NDUFS3: variants seen among roughly 807,000 people sequenced by gnomAD.
NDUFS3 encodes NADH:ubiquinone oxidoreductase core subunit S3, also known as NADH dehydrogenase [ubiquinone] iron-sulfur protein 3, mitochondrial.
NDUFS3 carries 19 observed loss-of-function variants against 30.8 expected under a neutral mutation model. That is an observed-to-expected ratio of 0.62 (90% CI 0.43 to 0.91). The LOEUF (loss-of-function observed/expected upper bound fraction) is 0.91. NDUFS3 is among the 40% of genes least tolerant of loss of function. The pLI is 0.00. For missense variants in NDUFS3, 331 were observed against 342.0 expected (o/e 0.97, Z 0.25); for synonymous variants, 153 against 135.8 (o/e 1.13, Z -0.88).
rs1408487334 is a variant in NDUFS3, at chr11:47,579,304, A to G, written c.103A>G (p.Arg35Gly). 9.9e-6 allele frequency: 16 copies of G among 1,613,988 alleles called. No homozygotes were observed. In the Admixed American group the frequency reaches 2.7e-4, roughly 27 times the overall value. ...GRPSVLLLPV[R>G]RESAGADTRP... ...ACCCTCCGTTCTGTTGCTGCCGGTG[A>G]GGCGGGAGAGCGCCGGGGCCGACAC... The change falls in exon 2 of 7, where the codon AGG becomes GGG. Residue 35 changes from arginine (R) to glycine (G), a missense_variant. Coordinates refer to ENST00000263774, the MANE Select transcript of NDUFS3 (RefSeq NM_004551.3).
chr11:47,579,155 A>G lies in NDUFS3; in HGVS notation c.64A>G (p.Arg22Gly). The G allele has an allele frequency of 6.2e-7, 1 of 1,609,644 alleles. No homozygotes were observed. Among genetic ancestry groups the G allele is most frequent in the Non-Finnish European group, 8.5e-7 (1 of 1,178,546 alleles). Reference sequence around the variant, plus strand: ...GATCTTGGGGGCCTCGGCGCTGACCAGGGGTGAGCACGGGCAGCCAGCTGA... The same window carrying G: ...GATCTTGGGGGCCTCGGCGCTGACCGGGGGTGAGCACGGGCAGCCAGCTGA... ...RGILGASALT[R>G]GTGRPSVLLL... The change falls in exon 1 of 7, where the codon AGG becomes GGG. Residue 22 changes from arginine to glycine, a missense_variant. Coordinates refer to ENST00000263774, the MANE Select transcript of NDUFS3 (RefSeq NM_004551.3).
chr11:47,582,190 G>A lies in NDUFS3; in HGVS notation c.484G>A (p.Ala162Thr), dbSNP rs1481423651. 1 of 1,614,194 alleles carries A rather than the reference G, an allele frequency of 6.2e-7. No homozygotes were observed. Among genetic ancestry groups the A allele is most frequent in the Admixed American group, 1.7e-5 (1 of 60,020 alleles). Residue 162 changes from alanine (A) to threonine (T), a missense_variant, in exon 5 of 7, where the codon GCA becomes ACA. Transcript: ENST00000263774. ...PIESAVSVFK[A>T]ANWYEREIWD... ...TGAGTCTGCTGTCTCTGTGTTCAAG[G>A]CAGCCAACTGGTATGAAAGGGAGGT...
chr11:47,583,145 C>A (rs1430906243), intron 6 of NDUFS3, among the ~76,000 whole-genome samples: 1 of 151,910 alleles, frequency 6.6e-6, no homozygotes, highest in Non-Finnish European at 1.5e-5. Flanking sequence ...ACCGCCCAGG[C>A]TCAAGTAATC....
chr11:47,582,659 C>T (rs1227479613), intron 6 of NDUFS3, among the ~76,000 whole-genome samples, 191 bp downstream of exon 6: 2 of 152,190 alleles, frequency 1.3e-5, no homozygotes, highest in East Asian at 1.9e-4. Context: ...TCAGTTTTCT[C>T]ATCTTAAAAT....
At chr11:47,581,610 G>C (rs1236794252) in intron 4 of NDUFS3, 1 of 253,276 alleles carries the variant, frequency 3.9e-6, no homozygotes, top group Non-Finnish European at 7.7e-6. Context: ...ATATTTTACT[G>C]ATTATCTACT....
At chr11:47,584,008 T>C (rs1366139966) in intron 6 of NDUFS3, among the ~76,000 whole-genome samples, 3 of 151,918 alleles carry the variant, frequency 2.0e-5, no homozygotes, top group Non-Finnish European at 2.9e-5. Context: ...CTTGTAAGAG[T>C]GTGTGGGTGG....
chr11:47,581,105 T>C, intron 4 of NDUFS3, 121 bp downstream of exon 4: 1 of 1,262,246 alleles, frequency 7.9e-7, no homozygotes, highest in Non-Finnish European at 1.1e-6. Flanking sequence ...AGTTGGATCT[T>C]GGTTCTGCCA....
intron 2 of NDUFS3, 46 bp from the exon 3 acceptor site, chr11:47,580,479 C>T (rs903180278): frequency 6.3e-7 from 1 of 1,587,492 alleles, no homozygotes; most frequent in African/African-American, 1.3e-5. Flanking sequence ...GCAGGGCTGG[C>T]TTTTGCCTTC....
intron 4 of NDUFS3, 106 bp from the exon 5 acceptor site, chr11:47,581,982 G>A: frequency 1.4e-6 from 2 of 1,461,280 alleles, no homozygotes; most frequent in Non-Finnish European, 1.9e-6. Flanking sequence ...AAGCATAGGA[G>A]AATCTTGAGG....
At chr11:47,581,005 A>T (rs367649115) in intron 4 of NDUFS3, 21 bp downstream of exon 4, 2 of 1,614,136 alleles carry the variant, frequency 1.2e-6, no homozygotes, top group Non-Finnish European at 8.5e-7. Flanking sequence ...AGATCTGAGA[A>T]GGTTTTGGGG....
chr11:47,579,207 C>T (rs1598802603), intron 1 of NDUFS3, 49 bp downstream of exon 1: 1 of 1,613,898 alleles, frequency 6.2e-7, no homozygotes, highest in East Asian at 2.2e-5. Context: ...AGCGGCGTGC[C>T]CAGTGCAGAG....
intron 2 of NDUFS3, among the ~76,000 whole-genome samples, chr11:47,580,052 G>GAC (rs5791768): frequency 0.01 from 1,521 of 146,538 alleles, 13 homozygotes; most frequent in African/African-American, 0.018. Context: ...TTTTCTCATT[G>GAC]ACACACACAC....
rs1306135997 is a variant in NDUFS3, at chr11:47,582,233, G to A, written c.507+20G>A. The A allele has an allele frequency of 4.3e-6, 7 of 1,614,094 alleles. No individual in the cohort carries two copies. The highest frequency in any genetic ancestry group is 5.1e-6 in the Non-Finnish European group (6 of 1,180,044). On this transcript the variant is annotated intron_variant, in intron 5 of 6. Transcript: ENST00000263774. ...AGGGAGGTGAGTTACCGGATATGGT[G>A]GACCTGCCTCTGGGCCACAGTTGCA...
chr11:47,579,373 G>C lies in NDUFS3; in HGVS notation c.133+39G>C, dbSNP rs781342859. The C allele has an allele frequency of 2.7e-5, 44 of 1,610,938 alleles. 1 individual carries two copies. In the East Asian group the frequency reaches 9.6e-4, roughly 35 times the overall value. On this transcript the variant is annotated intron_variant, in intron 2 of 6. Transcript: ENST00000263774. ...GGCAGCGCTCTTCTCTGAACTATCG[G>C]CGGGGCCCCTTAGATGCCTGTCCTT...
At position 47,584,380 on chromosome 11, in the gene NDUFS3, A is replaced by C. The variant is rs1321310543; in HGVS notation, c.694A>C (p.Lys232Gln). Reference protein sequence around the residue: ...EPVELAQEFRKFDLNSPWEAF... With the variant: ...EPVELAQEFRQFDLNSPWEAF... ...GGTGGAGTTGGCCCAAGAGTTCCGC[A>C]AATTTGACCTGAACAGCCCCTGGGA... The change falls in exon 7 of 7, where the codon AAA becomes CAA. Residue 232 changes from lysine to glutamine, a missense_variant. Coordinates refer to ENST00000263774, the MANE Select transcript of NDUFS3 (RefSeq NM_004551.3). The C allele has an allele frequency of 6.2e-7, 1 of 1,614,020 alleles. No individual in the cohort carries two copies. Among genetic ancestry groups the C allele is most frequent in the East Asian group, 2.2e-5 (1 of 44,886 alleles).
intron 6 of NDUFS3, 31 bp from the exon 7 acceptor site, chr11:47,584,283 T>C (rs760418346): frequency 9.3e-6 from 15 of 1,613,720 alleles, no homozygotes; most frequent in Non-Finnish European, 1.2e-5. Flanking sequence ...AGGACTTCCT[T>C]AGTGCTCAAG....
At chr11:47,579,625 C>T (rs1231419117) in intron 2 of NDUFS3, 5 of 568,770 alleles carry the variant, frequency 8.8e-6, no homozygotes, top group Non-Finnish European at 1.3e-5. Flanking sequence ...AATAATAGTA[C>T]CTAGCGTTAA....
At chr11:47,579,678 G>A in intron 2 of NDUFS3, 1 of 470,808 alleles carries the variant, frequency 2.1e-6, no homozygotes, top group Non-Finnish European at 3.9e-6. Context: ...AAGCGTTTTA[G>A]TGAATGATCT....
At chr11:47,580,173 A>G (rs997602015) in intron 2 of NDUFS3, among the ~76,000 whole-genome samples, 16 of 152,228 alleles carry the variant, frequency 1.1e-4, no homozygotes, top group Admixed American at 8.5e-4. Flanking sequence ...CAGAGAGGCA[A>G]AAGTTCAGTT....
Sources: allele counts gnomAD v4.1 joint callset (sites outside exome capture counted in the v4.1 genomes callset), GRCh38; gene constraint gnomAD v4.1.1; transcripts MANE v1.5; gene names NCBI Gene and HGNC (gene_info 2026-07-23, HGNC 2026-07-21).